Variants in EPB41 observed in about 807,000 individuals in gnomAD.
The protein encoded by EPB41 is protein 4.1.
Under a neutral mutation model 108.0 loss-of-function variants are expected in EPB41, and 65 were observed. The observed-to-expected ratio is 0.60, with a 90% CI of 0.49 to 0.74. The LOEUF (loss-of-function observed/expected upper bound fraction) is 0.74, where lower values mean the gene tolerates loss of function less well. Ranked by LOEUF, EPB41 falls within the 30% of genes least tolerant of loss-of-function variation. The pLI is 0.00. For missense variants in EPB41, 875 were observed against 1,037.0 expected (o/e 0.84, Z 2.15); for synonymous variants, 336 against 358.9 (o/e 0.94, Z 0.72).
At chr1:29,061,549 G>T (rs984351226) in intron 15 of EPB41, among the ~76,000 whole-genome samples, 2 of 147,206 alleles carry the variant, frequency 1.4e-5, no homozygotes, top group Admixed American at 6.8e-5. Context: ...GGTTACAGGC[G>T]TGAGCCACTG....
At chr1:29,043,020 C>G (rs1339227844) in intron 11 of EPB41, among the ~76,000 whole-genome samples, 4 of 152,112 alleles carry the variant, frequency 2.6e-5, no homozygotes, top group African/African-American at 9.7e-5. Context: ...ACAATTTTTC[C>G]TATGGGCCAG....
In EPB41 at chr1:29,018,281, C is replaced by T; in HGVS notation, c.963C>T (p.Ser321=). 6.2e-7 allele frequency: 1 copy of T among 1,614,090 alleles called. No homozygotes were observed. Among genetic ancestry groups the T allele is most frequent in the Non-Finnish European group, 8.5e-7 (1 of 1,180,018 alleles). The change falls in exon 7 of 21, where the codon TCC becomes TCT. Residue 321 remains serine (S), a synonymous_variant. Coordinates refer to ENST00000343067, the MANE Select transcript of EPB41 (RefSeq NM_001376013.1). The surrounding 1 kb of genome is among the most constrained non-coding windows in gnomAD (Gnocchi z 4.4). The part of the protein sequence containing the change: ...QDIVAGRLPC[S]FATLALLGSY... Reference sequence around the variant, plus strand: ...TAGTTGCAGGACGTCTGCCCTGTTCCTTTGCAACCTTAGCATTATTAGGTT... The same window carrying T: ...TAGTTGCAGGACGTCTGCCCTGTTCTTTTGCAACCTTAGCATTATTAGGTT...
intron 16 of EPB41, among the ~76,000 whole-genome samples, chr1:29,092,545 A>G (rs1024318638): frequency 1.3e-5 from 2 of 151,896 alleles, no homozygotes; most frequent in Non-Finnish European, 2.9e-5. Flanking sequence ...TCGTTAGGTT[A>G]TTTCTTTTTC....
At chr1:28,917,161 C>T (rs903077192) in intron 1 of EPB41, among the ~76,000 whole-genome samples, 1 of 152,020 alleles carries the variant, frequency 6.6e-6, no homozygotes, top group African/African-American at 2.4e-5. Flanking sequence ...CTACAATCTA[C>T]CTTTCCACCT....
At chr1:29,110,691 A>T (rs1195824004) in intron 18 of EPB41, among the ~76,000 whole-genome samples, 1 of 152,216 alleles carries the variant, frequency 6.6e-6, no homozygotes. Flanking sequence ...TACACAGATG[A>T]CTGGAAACTA....
chr1:28,908,283 TC>T (rs1300624309), intron 1 of EPB41, among the ~76,000 whole-genome samples: 44 of 149,992 alleles, frequency 2.9e-4, no homozygotes, highest in African/African-American at 1.1e-3. Context: ...GGGCCTGTAA[TC>T]CCAGCTGCTC....
chr1:28,982,343 C>T, intron 1 of EPB41: 1 of 664,010 alleles, frequency 1.5e-6, no homozygotes, highest in Non-Finnish European at 2.9e-6. Flanking sequence ...TCAAACTTGA[C>T]CTTGGCCTCT....
intron 1 of EPB41, among the ~76,000 whole-genome samples, chr1:28,894,769 G>A (rs1290439175): frequency 6.6e-6 from 1 of 152,194 alleles, no homozygotes; most frequent in Non-Finnish European, 1.5e-5. Flanking sequence ...CCCCGCATAG[G>A]TGTGGGAAGG....
intron 16 of EPB41, chr1:29,069,403 G>A (rs1650153321): frequency 3.3e-6 from 4 of 1,228,660 alleles, no homozygotes; most frequent in African/African-American, 1.6e-5. Context: ...AGTGTCTAAA[G>A]CATTTGCTTA....
chr1:28,964,407 A>AC (rs1473146746), intron 1 of EPB41, among the ~76,000 whole-genome samples: 1 of 151,700 alleles, frequency 6.6e-6, no homozygotes, highest in Non-Finnish European at 1.5e-5. Context: ...ATGCCACTGC[A>AC]CTCCAGCCTG....
upstream of EPB41, chr1:28,887,135 G>C (rs1422145041): frequency 2.1e-6 from 2 of 946,332 alleles, no homozygotes; most frequent in Non-Finnish European, 3.0e-6. This position sits in a 1 kb window ranked among gnomAD's most constrained non-coding sequence, Gnocchi z 4.9. Flanking sequence ...GGGCAAAGTG[G>C]CAGGAACCTC....
In EPB41 at chr1:29,070,833, T is replaced by C. The variant is rs185452241; in HGVS notation, c.2184+5675T>C. The C allele has an allele frequency of 5.6e-4, 332 of 590,412 alleles. 1 individual carries two copies. The highest frequency in any genetic ancestry group is 3.5e-3 in the African/African-American group (181 of 52,254). 36.6% of individuals were successfully genotyped at this position (590,412 alleles called of 1,614,324 possible). A position where few individuals can be genotyped will look rare whatever the true frequency, so the allele number is the denominator to read the frequency against. On this transcript the variant is annotated intron_variant, in intron 16 of 20. Transcript: ENST00000343067. ...ACTGCCCAAAGCCAGCTTTTCTGCATTGAAGTTTAACAAATTTAAACAAAT... is the reference window on the plus strand; with the variant it reads ...ACTGCCCAAAGCCAGCTTTTCTGCACTGAAGTTTAACAAATTTAAACAAAT...
intron 16 of EPB41, among the ~76,000 whole-genome samples, chr1:29,092,093 CTTT>C (rs35413713): frequency 2.7e-5 from 3 of 113,158 alleles, no homozygotes; most frequent in Non-Finnish European, 3.6e-5. Context: ...TTCTTACCTT[CTTT>C]TTTTTTTTTT....
chr1:29,079,416 C>CTT (rs796774702), intron 16 of EPB41, among the ~76,000 whole-genome samples: 1 of 143,758 alleles, frequency 7.0e-6, no homozygotes, highest in Non-Finnish European at 1.5e-5. Context: ...TAATTATTAC[C>CTT]TTTTTTTTTT....
chr1:28,920,634 A>T (rs953109673), intron 1 of EPB41, among the ~76,000 whole-genome samples: 3 of 151,958 alleles, frequency 2.0e-5, no homozygotes, highest in African/African-American at 4.8e-5. Context: ...TTTTATTTTT[A>T]TTTATTTATT....
rs528455867 is a variant in EPB41, at chr1:29,016,416, T to G, written c.905+649T>G. On this transcript the variant is annotated intron_variant, in intron 6 of 20. Coordinates refer to ENST00000343067, the MANE Select transcript of EPB41 (RefSeq NM_001376013.1). ...GTTGGCCAGGCTGGTCTTGAACTCC[T>G]AACCTCAGGTGATCTGCTTGCCTCG... is the stretch of plus-strand genomic sequence containing the variant. Among the ~76,000 whole-genome samples the G allele has an allele frequency of 2.6e-3, 388 of 151,194 alleles. 1 individual carries two copies. The highest frequency in any genetic ancestry group is 4.3e-3 in the Non-Finnish European group (293 of 67,838).
At chr1:29,113,913 T>TA (rs1308277976) in intron 19 of EPB41, among the ~76,000 whole-genome samples, 1 of 151,982 alleles carries the variant, frequency 6.6e-6, no homozygotes, top group Admixed American at 6.6e-5. Context: ...GCAGGTTTCA[T>TA]AGAGAGGTGG....
chr1:29,115,820 C>T lies in EPB41; in HGVS notation c.*6+17C>T. The T allele has an allele frequency of 6.2e-7, 1 of 1,600,130 alleles. No individual in the cohort carries two copies. The highest frequency in any genetic ancestry group is 8.6e-7 in the Non-Finnish European group (1 of 1,167,672). ...TGAGCTCAGGTACTGGGCGTTCCTG[C>T]TGGGGCTGAGGGTGCCCACAGTCCC... On this transcript the variant is annotated intron_variant, in intron 20 of 20. Transcript: ENST00000343067. The surrounding 1 kb of genome is among the most constrained non-coding windows in gnomAD (Gnocchi z 4.4).
At position 28,887,564 on chromosome 1, in the gene EPB41, C is replaced by G; in HGVS notation, c.-8+354C>G. On this transcript the variant is annotated intron_variant, in intron 1 of 16. Transcript: ENST00000347529. This position sits in a 1 kb window ranked among gnomAD's most constrained non-coding sequence, Gnocchi z 4.9. ...AGTCCCTGCAGGTCGGCGCAGCCCC[C>G]GGCCGCCCCCTAGCCCCGCCTTGCC... is the stretch of plus-strand genomic sequence containing the variant. 2 of 985,266 alleles carry G rather than the reference C, an allele frequency of 2.0e-6. No individual in the cohort carries two copies. Among genetic ancestry groups the G allele is most frequent in the Non-Finnish European group, 2.4e-6 (2 of 829,834 alleles). The allele number at this position is 985,266 out of a possible 1,614,324, so 61.0% of individuals were successfully genotyped here.
Sources: allele counts gnomAD v4.1 joint callset (sites outside exome capture counted in the v4.1 genomes callset), GRCh38; gene constraint gnomAD v4.1.1; non-coding constraint Gnocchi (gnomAD v3.1); transcripts MANE v1.5; gene names NCBI Gene and HGNC (gene_info 2026-07-23, HGNC 2026-07-21).